SYT16: variants seen among roughly 807,000 people sequenced by gnomAD.
SYT16 encodes synaptotagmin 16, also known as synaptotagmin-16.
Under a neutral mutation model 61.4 loss-of-function variants are expected in SYT16, and 42 were observed. That is an observed-to-expected ratio of 0.68 (90% confidence interval 0.53 to 0.89). The LOEUF is 0.89. Among genes scored for constraint, SYT16 ranks in the 40% least tolerant of loss-of-function variants. The probability of loss-of-function intolerance (pLI) is 0.00; values close to 1 mark genes in which losing one functional copy is unlikely to be tolerated. For missense variants in SYT16, 804 were observed against 807.3 expected (o/e 1.00, Z 0.05); for synonymous variants, 314 against 302.3 (o/e 1.04, Z -0.40).
intron 3 of SYT16, among the ~76,000 whole-genome samples, chr14:62,021,343 C>T (rs2053899895): frequency 6.6e-6 from 1 of 152,126 alleles, no homozygotes; most frequent in African/African-American, 2.4e-5. Context: ...CCTTGGCTGT[C>T]ATGGGTGTGG....
At chr14:62,094,766 C>T (rs2057210521) in intron 7 of SYT16, among the ~76,000 whole-genome samples, 1 of 151,980 alleles carries the variant, frequency 6.6e-6, no homozygotes, top group Admixed American at 6.6e-5. Context: ...ATCAGGAAGA[C>T]TGTTTTCAGG....
Position 62,100,556 on chromosome 14 carries a change from A to T in SYT16, c.1787A>T (p.Tyr596Phe), listed in dbSNP as rs1440737672. Residue 596 changes from tyrosine (Y) to phenylalanine (F), a missense_variant, in exon 8 of 8, where the codon TAT becomes TTT. Physicochemically the swap from Tyr to Phe is conservative, Grantham distance 22. Transcript: ENST00000683842. ...GATGTCACGTTGATGATTTCCGTTT[A>T]TAACAGGCGTACTATGAAGCGTAAA... ...LSDVTLMISV[Y>F]NRRTMKRKEM... 1 of 1,613,854 alleles carries T rather than the reference A, an allele frequency of 6.2e-7. No homozygotes were observed. The highest frequency in any genetic ancestry group is 2.2e-5 in the East Asian group (1 of 44,876).
At chr14:62,052,260 T>A (rs1357027835) in intron 3 of SYT16, among the ~76,000 whole-genome samples, 1 of 152,240 alleles carries the variant, frequency 6.6e-6, no homozygotes. Context: ...AAATGTATGA[T>A]ATGTGATGTG....
chr14:61,961,420 C>A (rs773709787), intron 1 of SYT16, among the ~76,000 whole-genome samples: 1 of 152,024 alleles, frequency 6.6e-6, no homozygotes, highest in Non-Finnish European at 1.5e-5. Context: ...AAAAAACTTA[C>A]AAGCAAAAAT....
At chr14:62,042,777 C>A (rs967868727) in intron 3 of SYT16, among the ~76,000 whole-genome samples, 2 of 152,306 alleles carry the variant, frequency 1.3e-5, no homozygotes, top group Admixed American at 1.3e-4. Flanking sequence ...CCTCCCTGGA[C>A]ATCTTACTCC....
At chr14:61,817,499 C>T (rs1284899392) in intron 1 of SYT16, among the ~76,000 whole-genome samples, 1 of 151,852 alleles carries the variant, frequency 6.6e-6, no homozygotes, top group Non-Finnish European at 1.5e-5. Flanking sequence ...GGACACAATG[C>T]CACTTACTGT....
At chr14:61,874,649 C>G (rs2047430833) in intron 1 of SYT16, among the ~76,000 whole-genome samples, 1 of 152,126 alleles carries the variant, frequency 6.6e-6, no homozygotes, top group African/African-American at 2.4e-5. Flanking sequence ...AGATGAGACT[C>G]TTTGGGACCA....
intron 3 of SYT16, among the ~76,000 whole-genome samples, chr14:62,038,922 T>C (rs1436969970): frequency 1.3e-5 from 2 of 152,222 alleles, no homozygotes; most frequent in African/African-American, 4.8e-5. Context: ...AGAGTTCTTT[T>C]GTGCCTACAA....
chr14:61,923,048 CAAAAA>C (rs140168317), intron 1 of SYT16, among the ~76,000 whole-genome samples: 2 of 95,508 alleles, frequency 2.1e-5, no homozygotes, highest in Non-Finnish European at 2.2e-5. Flanking sequence ...GACTCTGTCT[CAAAAA>C]AAAAAAAAAA....
At chr14:62,029,719 G>A (rs939552531) in intron 3 of SYT16, among the ~76,000 whole-genome samples, 1 of 151,988 alleles carries the variant, frequency 6.6e-6, no homozygotes, top group South Asian at 2.1e-4. Flanking sequence ...GCTATCAATA[G>A]AATCCAGTCA....
At chr14:61,902,004 C>T (rs1594870620) in intron 1 of SYT16, among the ~76,000 whole-genome samples, 1 of 152,084 alleles carries the variant, frequency 6.6e-6, no homozygotes, top group East Asian at 1.9e-4. Context: ...CTCAGGTGAT[C>T]CACCTACCTT....
intron 2 of SYT16, among the ~76,000 whole-genome samples, chr14:61,979,938 T>C (rs1344417458): frequency 6.6e-6 from 1 of 152,178 alleles, no homozygotes; most frequent in Admixed American, 6.5e-5. Flanking sequence ...AATTGCACAG[T>C]AAGTTTTAGA....
intron 1 of SYT16, among the ~76,000 whole-genome samples, chr14:61,904,601 G>T (rs764673229): frequency 2.6e-5 from 4 of 152,176 alleles, no homozygotes; most frequent in Admixed American, 6.5e-5. Flanking sequence ...AGATAAAGGG[G>T]AGCTACCAAG....
At chr14:62,050,895 T>C (rs1005178570) in intron 3 of SYT16, among the ~76,000 whole-genome samples, 3 of 152,182 alleles carry the variant, frequency 2.0e-5, no homozygotes, top group African/African-American at 7.2e-5. Flanking sequence ...GGGAGGTGAC[T>C]CCCAGTTAGG....
At chr14:61,994,361 G>T (rs1041317972) in intron 2 of SYT16, among the ~76,000 whole-genome samples, 5 of 152,070 alleles carry the variant, frequency 3.3e-5, no homozygotes, top group Non-Finnish European at 5.9e-5. Context: ...AAATCCCAAG[G>T]TTCAGACTAG....
chr14:61,893,746 A>G (rs217671), intron 1 of SYT16, among the ~76,000 whole-genome samples: 47,224 of 151,962 alleles, frequency 0.31, 7,896 homozygotes, highest in African/African-American at 0.43. Context: ...TTCAGTGGTC[A>G]CCATTCCAAC....
At chr14:62,087,498 C>A (rs1300735670) in intron 7 of SYT16, among the ~76,000 whole-genome samples, 2 of 152,184 alleles carry the variant, frequency 1.3e-5, no homozygotes, top group Non-Finnish European at 2.9e-5. Flanking sequence ...GTCATGATCA[C>A]ATAAAGAATG....
At position 61,996,319 on chromosome 14, in the gene SYT16, C is replaced by G. The variant is rs779838284; in HGVS notation, c.300C>G (p.Asp100Glu). ...HFSCCNSDLQDSAQNSSPSLS... is the reference protein window; with the variant it reads ...HFSCCNSDLQESAQNSSPSLS... ...CATGTTGTAATAGTGATTTGCAGGA[C>G]TCTGCCCAAAATTCAAGCCCAAGCC... The change falls in exon 3 of 8, where the codon GAC (aspartate) becomes GAG (glutamate). Residue 100 changes from aspartate (D) to glutamate (E), a missense_variant. Asp to Glu is a conservative substitution (Grantham distance 45). Coordinates refer to ENST00000683842, the MANE Select transcript of SYT16 (RefSeq NM_001367656.1). 20 of 1,613,414 alleles carry G rather than the reference C, an allele frequency of 1.2e-5. No homozygotes were observed. The South Asian group carries it at 2.2e-4, about 18-fold the overall frequency.
At position 62,051,651 on chromosome 14, in the gene SYT16, C is replaced by G. The variant is rs79112782; in HGVS notation, c.524-17952C>G. On this transcript the variant is annotated intron_variant, in intron 3 of 7. Coordinates refer to ENST00000683842, the MANE Select transcript of SYT16 (RefSeq NM_001367656.1). ...TTTTCTTTTTAAAATTGCATAGTTGCTTAAACTTATTTTTTTCTCTTTGGA... is the reference window on the plus strand; with the variant it reads ...TTTTCTTTTTAAAATTGCATAGTTGGTTAAACTTATTTTTTTCTCTTTGGA... Among the ~76,000 whole-genome samples, 3 of 152,314 alleles carry G rather than the reference C, an allele frequency of 2.0e-5. No homozygotes were observed. The East Asian group carries it at 5.8e-4, about 29-fold the overall frequency.
Sources: allele counts gnomAD v4.1 joint callset (sites outside exome capture counted in the v4.1 genomes callset), GRCh38; gene constraint gnomAD v4.1.1; transcripts MANE v1.5; gene names NCBI Gene and HGNC (gene_info 2026-07-23, HGNC 2026-07-21).